CHCHD3: variants seen among roughly 807,000 people sequenced by gnomAD.
The protein encoded by CHCHD3 is coiled-coil-helix-coiled-coil-helix domain containing 3, also known as MICOS complex subunit MIC19.
In CHCHD3, 20 loss-of-function variants were observed where a neutral mutation model predicts 38.2. The observed-to-expected ratio is 0.52, with a 90% CI of 0.37 to 0.76. The LOEUF is 0.76. Ranked by LOEUF, CHCHD3 falls within the 30% of genes least tolerant of loss-of-function variation. The pLI is 0.00. For synonymous variants in CHCHD3, 82 were observed against 100.0 expected (o/e 0.82, Z 1.07); for missense variants, 245 against 279.2 (o/e 0.88, Z 0.87).
chr7:132,922,727 T>G (rs1370190729), intron 4 of CHCHD3, among the ~76,000 whole-genome samples: 1 of 152,176 alleles, frequency 6.6e-6, no homozygotes, highest in African/African-American at 2.4e-5. Flanking sequence ...TTATATAGTT[T>G]TATTCACTCT....
At chr7:132,887,300 G>A (rs542800193) in intron 4 of CHCHD3, among the ~76,000 whole-genome samples, 3 of 151,492 alleles carry the variant, frequency 2.0e-5, no homozygotes, top group Non-Finnish European at 3.0e-5. Flanking sequence ...TGGCTCCCTG[G>A]TACAACATAG....
intron 2 of CHCHD3, among the ~76,000 whole-genome samples, chr7:133,064,175 G>A (rs1198797600): frequency 6.6e-6 from 1 of 152,214 alleles, no homozygotes; most frequent in East Asian, 1.9e-4. Context: ...TTCCTTGAAG[G>A]TCAAAGATGG....
At chr7:132,829,497 C>T (rs577429775) in intron 6 of CHCHD3, among the ~76,000 whole-genome samples, 1 of 152,186 alleles carries the variant, frequency 6.6e-6, no homozygotes, top group South Asian at 2.1e-4. Flanking sequence ...ATCATGAATC[C>T]AGGAGTGTAT....
chr7:132,990,947 C>CACAG (rs1167104109), intron 3 of CHCHD3, among the ~76,000 whole-genome samples: 4 of 126,532 alleles, frequency 3.2e-5, no homozygotes, highest in Non-Finnish European at 6.7e-5. Flanking sequence ...TACACAGACA[C>CACAG]ACATACACAC....
intron 2 of CHCHD3, among the ~76,000 whole-genome samples, chr7:133,027,123 G>A (rs1350786775): frequency 6.6e-6 from 1 of 151,678 alleles, no homozygotes; most frequent in South Asian, 2.1e-4. Context: ...ATTTTTGGTA[G>A]AGACGGGATT....
chr7:132,792,158 A>G (rs975947742), intron 7 of CHCHD3, among the ~76,000 whole-genome samples: 3 of 152,120 alleles, frequency 2.0e-5, no homozygotes, highest in African/African-American at 7.2e-5. Flanking sequence ...CTTGGTTGTC[A>G]GGCTCCAGGT....
At chr7:132,978,089 C>T (rs1811819260) in intron 3 of CHCHD3, among the ~76,000 whole-genome samples, 2 of 152,094 alleles carry the variant, frequency 1.3e-5, no homozygotes, top group South Asian at 2.1e-4. Context: ...GTAATACCTA[C>T]CTTACAGCGT....
At chr7:132,872,323 T>G (rs1808785231) in intron 5 of CHCHD3, among the ~76,000 whole-genome samples, 1 of 152,176 alleles carries the variant, frequency 6.6e-6, no homozygotes, top group Non-Finnish European at 1.5e-5. Context: ...ACAGGTACAA[T>G]CCGCATAGCA....
At chr7:133,078,893 T>C (rs898960524) in intron 1 of CHCHD3, among the ~76,000 whole-genome samples, 1 of 152,208 alleles carries the variant, frequency 6.6e-6, no homozygotes, top group Non-Finnish European at 1.5e-5. Context: ...CTAACTGCAG[T>C]TCAAAACTGA....
chr7:132,831,111 T>G (rs1352482496), intron 6 of CHCHD3, among the ~76,000 whole-genome samples: 2 of 152,192 alleles, frequency 1.3e-5, no homozygotes, highest in Non-Finnish European at 2.9e-5. Context: ...CATTCTTTTC[T>G]TCTTGTGTAA....
intron 4 of CHCHD3, among the ~76,000 whole-genome samples, chr7:132,901,511 T>C (rs1447560966): frequency 2.6e-5 from 4 of 152,222 alleles, no homozygotes; most frequent in East Asian, 3.8e-4. Flanking sequence ...CTTGTCTGAC[T>C]CAGTCCTCAG....
At chr7:132,815,172 A>G (rs1397278420) in intron 6 of CHCHD3, among the ~76,000 whole-genome samples, 4 of 152,202 alleles carry the variant, frequency 2.6e-5, no homozygotes, top group Non-Finnish European at 5.9e-5. Flanking sequence ...CCACTTTTAG[A>G]TCTCCAATAT....
At chr7:132,919,347 G>A (rs1810202767) in intron 4 of CHCHD3, among the ~76,000 whole-genome samples, 1 of 151,828 alleles carries the variant, frequency 6.6e-6, no homozygotes, top group Non-Finnish European at 1.5e-5. Context: ...TCCTGACCTC[G>A]TGATCCGCCC....
At chr7:133,077,080 G>T (rs1259117161) in intron 1 of CHCHD3, among the ~76,000 whole-genome samples, 2 of 152,084 alleles carry the variant, frequency 1.3e-5, no homozygotes, top group Non-Finnish European at 2.9e-5. Context: ...AAGGGGGAGA[G>T]GGAACCCATA....
At chr7:132,808,928 G>A (rs555564185) in intron 6 of CHCHD3, among the ~76,000 whole-genome samples, 71 of 127,706 alleles carry the variant, frequency 5.6e-4, no homozygotes, top group African/African-American at 2.0e-3. Context: ...GTAAACTATC[G>A]CAAGAACAAA....
chr7:132,975,102 A>G, intron 4 of CHCHD3, 67 bp downstream of exon 4: 1 of 1,194,816 alleles, frequency 8.4e-7, no homozygotes, highest in Non-Finnish European at 1.2e-6. Context: ...CAGAGTACTT[A>G]GCTCTTCCCA....
At chr7:132,790,600 A>G (rs1806432369) in intron 7 of CHCHD3, among the ~76,000 whole-genome samples, 1 of 152,242 alleles carries the variant, frequency 6.6e-6, no homozygotes, top group Non-Finnish European at 1.5e-5. Context: ...CCCTGTGACC[A>G]GCATCCCAGC....
At chr7:132,969,158 G>GT (rs201954730) in intron 4 of CHCHD3, among the ~76,000 whole-genome samples, 28,945 of 141,664 alleles carry the variant, frequency 0.2, 3,111 homozygotes, top group South Asian at 0.25. Flanking sequence ...TTTTTACTGT[G>GT]TTTTTTTTTT....
At chr7:133,022,525 C>T in intron 3 of CHCHD3, 1 of 456,192 alleles carries the variant, frequency 2.2e-6, no homozygotes. Context: ...AAAAATATAG[C>T]TATTGATTCT....
Sources: allele counts gnomAD v4.1 joint callset (sites outside exome capture counted in the v4.1 genomes callset), GRCh38; gene constraint gnomAD v4.1.1; transcripts MANE v1.5; gene names NCBI Gene and HGNC (gene_info 2026-07-23, HGNC 2026-07-21).